The following CTNND2 variants were observed in gnomAD, a reference collection of about 807,000 sequenced individuals.
CTNND2 encodes the protein catenin delta-2.
CTNND2 carries 22 observed loss-of-function variants against 144.4 expected under a neutral mutation model. The ratio of observed to expected loss-of-function variants is 0.15; its 90% confidence interval spans 0.11 to 0.22. The LOEUF (loss-of-function observed/expected upper bound fraction) is 0.22. Among genes scored for constraint, CTNND2 ranks in the 10% least tolerant of loss-of-function variants. The probability of loss-of-function intolerance (pLI) is 1.00; values close to 1 mark genes in which losing one functional copy is unlikely to be tolerated. For synonymous variants in CTNND2, 751 were observed against 695.6 expected (o/e 1.08, Z -1.25); for missense variants, 1,353 against 1,618.8 (o/e 0.84, Z 2.82).
At chr5:11,500,212 G>A (rs775365595) in intron 3 of CTNND2, among the ~76,000 whole-genome samples, 4 of 152,110 alleles carry the variant, frequency 2.6e-5, no homozygotes, top group African/African-American at 7.2e-5. Context: ...TAGGTAGGCC[G>A]TAATAAAGCA....
chr5:11,865,132 T>C (rs1050212641), intron 1 of CTNND2, among the ~76,000 whole-genome samples: 1 of 152,100 alleles, frequency 6.6e-6, no homozygotes, highest in East Asian at 1.9e-4. Flanking sequence ...CGACCTCAGG[T>C]GATCCGCGTG....
rs143514712 is a variant in CTNND2 at position 11,409,199 on chromosome 5, T to G, written c.439+2337A>C. ...TTGATTCAGTAAATATCCAGAAGTATGTTTCTTAGTTTTAATATTAGTACA... is the reference window on the plus strand; with the variant it reads ...TTGATTCAGTAAATATCCAGAAGTAGGTTTCTTAGTTTTAATATTAGTACA... On this transcript the variant is annotated intron_variant, in intron 5 of 21. Coordinates refer to ENST00000304623, the MANE Select transcript of CTNND2 (RefSeq NM_001332.4). Among the ~76,000 whole-genome samples, 555 of 152,156 alleles carry G rather than the reference T, an allele frequency of 3.6e-3. 2 individuals carry two copies. Among genetic ancestry groups the G allele is most frequent in the Non-Finnish European group, 6.1e-3 (414 of 67,898 alleles).
chr5:11,222,253 A>G (rs538168308), intron 10 of CTNND2, among the ~76,000 whole-genome samples: 1 of 152,352 alleles, frequency 6.6e-6, no homozygotes, highest in African/African-American at 2.4e-5. Flanking sequence ...AATAACCCAA[A>G]GTGATATTTA....
chr5:11,361,889 T>C (rs914140193), intron 8 of CTNND2, among the ~76,000 whole-genome samples: 1 of 152,252 alleles, frequency 6.6e-6, no homozygotes, highest in Non-Finnish European at 1.5e-5. Flanking sequence ...TCGATCTTTC[T>C]GCCCCACTTC....
intron 3 of CTNND2, among the ~76,000 whole-genome samples, chr5:11,439,863 G>T (rs1764116936): frequency 6.6e-6 from 1 of 151,006 alleles, no homozygotes; most frequent in Non-Finnish European, 1.5e-5. Flanking sequence ...TAGAGACAGG[G>T]TCTTGTTATG....
At chr5:11,675,082 C>T (rs1169613681) in intron 2 of CTNND2, among the ~76,000 whole-genome samples, 1 of 151,918 alleles carries the variant, frequency 6.6e-6, no homozygotes, top group Admixed American at 6.6e-5. Context: ...TTTTGAGGTG[C>T]CTAAAATATT....
intron 13 of CTNND2, among the ~76,000 whole-genome samples, chr5:11,116,223 C>T (rs538964995): frequency 3.7e-4 from 56 of 152,186 alleles, no homozygotes; most frequent in Non-Finnish European, 6.3e-4. Context: ...ATTAAGGTCA[C>T]GGTTCATAAC....
intron 16 of CTNND2, among the ~76,000 whole-genome samples, chr5:11,052,131 G>T (rs1421973380): frequency 6.6e-6 from 1 of 152,156 alleles, no homozygotes. Flanking sequence ...GTGGACTCAG[G>T]AGCCAAAGGG....
rs116991347 is a variant in CTNND2 at position 11,634,272 on chromosome 5, T to C, written c.175-69216A>G. Among the ~76,000 whole-genome samples the C allele has an allele frequency of 7.9e-5, 12 of 152,300 alleles. No individual in the cohort carries two copies. The East Asian group carries it at 1.5e-3, about 20-fold the overall frequency. ...CACCCAGGGAACCTGAGCAAGACCA[T>C]AGGCACACACACAGCCATGGAGAAG... On this transcript the variant is annotated intron_variant, in intron 2 of 21. Transcript: ENST00000304623.
chr5:11,689,232 T>C lies in CTNND2; in HGVS notation c.174+42904A>G, dbSNP rs138857878. 3.1e-3 allele frequency among the ~76,000 whole-genome samples: 467 copies of C among 152,334 alleles called. 3 individuals carry two copies. The highest frequency in any genetic ancestry group is 6.8e-3 in the Middle Eastern group (2 of 294). Reference sequence around the variant, plus strand: ...GTCTTAGTCTTATTTTTTGTTTTCTTACTTCTGGGATCTGGTTTCTTAATC... The same window carrying C: ...GTCTTAGTCTTATTTTTTGTTTTCTCACTTCTGGGATCTGGTTTCTTAATC... On this transcript the variant is annotated intron_variant, in intron 2 of 21. Coordinates refer to ENST00000304623, the MANE Select transcript of CTNND2 (RefSeq NM_001332.4).
At chr5:11,233,759 C>A (rs147567026) in intron 10 of CTNND2, among the ~76,000 whole-genome samples, 150 of 147,978 alleles carry the variant, frequency 1.0e-3, no homozygotes, top group African/African-American at 3.7e-3. Context: ...TGTGTATATG[C>A]ACATATGCAC....
chr5:10,989,237 C>T (rs1180484089), intron 19 of CTNND2, among the ~76,000 whole-genome samples: 1 of 152,182 alleles, frequency 6.6e-6, no homozygotes, highest in Non-Finnish European at 1.5e-5. Flanking sequence ...TGGTCGCGCA[C>T]CCCACCCTGT....
chr5:11,259,781 AAG>A (rs1355245131), intron 9 of CTNND2, among the ~76,000 whole-genome samples: 6 of 152,218 alleles, frequency 3.9e-5, no homozygotes, highest in African/African-American at 1.4e-4. Context: ...ACAGGAATAA[AAG>A]ATCTGAAAAG....
At chr5:11,876,271 A>G (rs1285443101) in intron 1 of CTNND2, among the ~76,000 whole-genome samples, 2 of 150,134 alleles carry the variant, frequency 1.3e-5, no homozygotes. Context: ...AGGGCAGGAA[A>G]GGCGGGGAGA....
At chr5:11,471,041 G>A (rs566564162) in intron 3 of CTNND2, among the ~76,000 whole-genome samples, 344 of 143,926 alleles carry the variant, frequency 2.4e-3, no homozygotes, top group African/African-American at 8.3e-3. Flanking sequence ...GCAGTGGCGC[G>A]ATCTCTGCTC....
intron 16 of CTNND2, among the ~76,000 whole-genome samples, chr5:11,036,122 G>A (rs1219879796): frequency 6.6e-6 from 1 of 150,618 alleles, no homozygotes; most frequent in African/African-American, 2.4e-5. Context: ...ACTTGATATC[G>A]TGTTAATTTT....
At chr5:11,451,940 A>C (rs1561414995) in intron 3 of CTNND2, among the ~76,000 whole-genome samples, 2 of 152,216 alleles carry the variant, frequency 1.3e-5, no homozygotes, top group Non-Finnish European at 2.9e-5. Context: ...GCTGGCAACC[A>C]TGGAATTCCA....
intron 11 of CTNND2, among the ~76,000 whole-genome samples, chr5:11,184,916 A>G (rs1350000057): frequency 6.6e-6 from 1 of 152,324 alleles, no homozygotes; most frequent in East Asian, 1.9e-4. Flanking sequence ...CTCGGACTCA[A>G]TGCAAGGAGA....
rs182402688 is a variant in CTNND2, at chr5:11,560,673, A to G, written c.287+4271T>C. On this transcript the variant is annotated intron_variant, in intron 3 of 21. Coordinates refer to ENST00000304623, the MANE Select transcript of CTNND2 (RefSeq NM_001332.4). ...GTCCAGTGAGAAGAACAGAACAGAG[A>G]AACAGTCCAGTCTGTGCTGATCGAG... is the stretch of plus-strand genomic sequence containing the variant. Among the ~76,000 whole-genome samples the G allele has an allele frequency of 3.9e-5, 6 of 152,318 alleles. No homozygotes were observed. The East Asian group carries it at 1.2e-3, about 29-fold the overall frequency.
Sources: gnomAD v4.1 joint callset for allele counts (sites outside exome capture counted in the v4.1 genomes callset) on GRCh38, gnomAD v4.1.1 for gene constraint, MANE v1.5 for transcripts, NCBI Gene and HGNC (gene_info 2026-07-23, HGNC 2026-07-21) for gene names.